Variants in KAT2B observed in about 807,000 individuals in gnomAD.
KAT2B encodes histone acetyltransferase KAT2B.
Under a neutral mutation model 105.9 loss-of-function variants are expected in KAT2B, and 36 were observed. That is an observed-to-expected ratio of 0.34 (90% CI 0.26 to 0.45). KAT2B has a LOEUF of 0.45. KAT2B is among the 20% of genes least tolerant of loss of function. The pLI is 1.00. For missense variants in KAT2B, 820 were observed against 1,021.6 expected (o/e 0.80, Z 2.69); for synonymous variants, 397 against 377.9 (o/e 1.05, Z -0.59).
intron 1 of KAT2B, among the ~76,000 whole-genome samples, chr3:20,063,837 G>A (rs1158875972): frequency 1.3e-5 from 2 of 151,916 alleles, no homozygotes; most frequent in Non-Finnish European, 2.9e-5. Context: ...CACCACGCCC[G>A]GCCGAGATTC....
At chr3:20,145,499 T>C (rs951757406) in intron 13 of KAT2B, among the ~76,000 whole-genome samples, 3 of 151,816 alleles carry the variant, frequency 2.0e-5, no homozygotes, top group African/African-American at 7.2e-5. Context: ...TTGTTTTGTT[T>C]CGTTTTTCCA....
At chr3:20,120,179 C>T (rs548946154) in intron 8 of KAT2B, among the ~76,000 whole-genome samples, 1 of 152,004 alleles carries the variant, frequency 6.6e-6, no homozygotes, top group East Asian at 1.9e-4. Context: ...GAAGCCTAGG[C>T]TTGGAACTTG....
At chr3:20,077,657 A>C (rs1205099745) in intron 2 of KAT2B, among the ~76,000 whole-genome samples, 1 of 152,208 alleles carries the variant, frequency 6.6e-6, no homozygotes, top group African/African-American at 2.4e-5. Context: ...TATTATTAAA[A>C]TTATTTCTAC....
chr3:20,140,820 T>C (rs1196620116), intron 13 of KAT2B, among the ~76,000 whole-genome samples: 2 of 152,174 alleles, frequency 1.3e-5, no homozygotes, highest in Non-Finnish European at 2.9e-5. Context: ...ATCCTTGATC[T>C]GTTTCCTTTC....
chr3:20,055,420 G>T (rs1414756778), intron 1 of KAT2B, among the ~76,000 whole-genome samples: 2 of 152,302 alleles, frequency 1.3e-5, no homozygotes, highest in Admixed American at 1.3e-4. Context: ...AGTGGTAAGT[G>T]CCTCGCAGAG....
intron 5 of KAT2B, among the ~76,000 whole-genome samples, chr3:20,104,447 C>T (rs1188394946): frequency 1.3e-5 from 2 of 152,036 alleles, no homozygotes; most frequent in Non-Finnish European, 1.5e-5. Context: ...AATCAATATT[C>T]GGAGTAAAAC....
chr3:20,129,433 G>A (rs928079581), intron 11 of KAT2B, among the ~76,000 whole-genome samples: 12 of 148,634 alleles, frequency 8.1e-5, no homozygotes, highest in Non-Finnish European at 1.6e-4. Flanking sequence ...GGAGTGCAGT[G>A]GTGTGATCTT....
Position 20,114,137 on chromosome 3 carries a change from T to A in KAT2B, c.1044-745T>A, listed in dbSNP as rs1017608108. On this transcript the variant is annotated intron_variant, in intron 6 of 17. Transcript: ENST00000263754. ...ATCACCTGCCCTATTCTGATAAGCA[T>A]CTGTATTTCTAATAAGGTTTCCAGA... Among the ~76,000 whole-genome samples, 160 of 152,338 alleles carry A rather than the reference T, an allele frequency of 1.1e-3. 1 individual carries two copies. The highest frequency in any genetic ancestry group is 1.9e-4 in the East Asian group (1 of 5,184).
In KAT2B at chr3:20,059,963, A is replaced by G. The variant is rs182901864; in HGVS notation, c.304-12370A>G. Among the ~76,000 whole-genome samples the G allele has an allele frequency of 1.0e-3, 156 of 152,266 alleles. 1 individual carries two copies. The highest frequency in any genetic ancestry group is 3.6e-3 in the African/African-American group (149 of 41,552). ...ATAAATTTGCCTTTTCTGGATGGTC[A>G]TGTAAATGGAAGTATACAGTATGTG... On this transcript the variant is annotated intron_variant, in intron 1 of 17. Transcript: ENST00000263754.
At chr3:20,113,944 T>TGAA (rs3840186) in intron 6 of KAT2B, among the ~76,000 whole-genome samples, 93,668 of 151,530 alleles carry the variant, frequency 0.62, 29,629 homozygotes, top group African/African-American at 0.76. Context: ...AGGGAAAAAA[T>TGAA]GAAGAAGACC....
intron 2 of KAT2B, among the ~76,000 whole-genome samples, chr3:20,074,987 C>T (rs149121653): frequency 1.3e-3 from 192 of 152,208 alleles, no homozygotes; most frequent in Non-Finnish European, 1.7e-3. Context: ...ACCATAAGGC[C>T]GGGCGTGGTG....
chr3:20,062,899 G>A (rs577234942), intron 1 of KAT2B, among the ~76,000 whole-genome samples: 1 of 152,030 alleles, frequency 6.6e-6, no homozygotes, highest in East Asian at 1.9e-4. Flanking sequence ...TTGAGTTGTA[G>A]GCATTCTTTA....
chr3:20,109,835 TG>T (rs1175971465), intron 5 of KAT2B, among the ~76,000 whole-genome samples: 1 of 152,122 alleles, frequency 6.6e-6, no homozygotes, highest in African/African-American at 2.4e-5. Context: ...AAACAACATT[TG>T]GGTGTAAATT....
At chr3:20,054,167 T>A (rs1697965362) in intron 1 of KAT2B, among the ~76,000 whole-genome samples, 1 of 152,000 alleles carries the variant, frequency 6.6e-6, no homozygotes. Context: ...TCTCGCTCTG[T>A]CACCTAGGCT....
chr3:20,128,563 G>A (rs1322932608), intron 11 of KAT2B, among the ~76,000 whole-genome samples: 1 of 151,958 alleles, frequency 6.6e-6, no homozygotes, highest in Non-Finnish European at 1.5e-5. Context: ...TCCAGGAACT[G>A]TGTCCATGTT....
At chr3:20,056,590 A>G (rs1002858439) in intron 1 of KAT2B, among the ~76,000 whole-genome samples, 26 of 152,344 alleles carry the variant, frequency 1.7e-4, no homozygotes, top group African/African-American at 6.0e-4. Context: ...ATTGTTTTTA[A>G]TAAAGAGGCT....
At chr3:20,125,803 G>A (rs1248722921) in intron 9 of KAT2B, 102 bp from the exon 10 acceptor site, 3 of 930,868 alleles carry the variant, frequency 3.2e-6, no homozygotes, top group South Asian at 2.9e-5. Context: ...ATCCACAAAT[G>A]TGTATCTTAT....
chr3:20,144,599 TTTC>T (rs1699753743), intron 13 of KAT2B, among the ~76,000 whole-genome samples: 1 of 135,386 alleles, frequency 7.4e-6, no homozygotes, highest in Non-Finnish European at 1.6e-5. Flanking sequence ...AGGTTTCTTT[TTTC>T]TTTTTTTTTT....
At chr3:20,072,518 A>C (rs748438929) in intron 2 of KAT2B, 59 bp downstream of exon 2, 11 of 1,543,382 alleles carry the variant, frequency 7.1e-6, no homozygotes, top group Non-Finnish European at 9.8e-6. Context: ...GAGACTCTTA[A>C]CTTACTGAAT....
Sources: gnomAD v4.1 joint callset for allele counts (sites outside exome capture counted in the v4.1 genomes callset) on GRCh38, gnomAD v4.1.1 for gene constraint, MANE v1.5 for transcripts, NCBI Gene and HGNC (gene_info 2026-07-23, HGNC 2026-07-21) for gene names.